Variants in DNM1L observed in about 807,000 individuals in gnomAD.
The protein encoded by DNM1L is dynamin-1-like protein.
A neutral mutation model predicts 92.8 loss-of-function variants in DNM1L; 33 were observed. The observed-to-expected ratio is 0.36, with a 90% CI of 0.27 to 0.48. The LOEUF is 0.48. Ranked by LOEUF, DNM1L falls within the 20% of genes least tolerant of loss-of-function variation. The probability of loss-of-function intolerance (pLI) is 0.99; values close to 1 mark genes in which losing one functional copy is unlikely to be tolerated. For missense variants in DNM1L, 485 were observed against 888.8 expected (o/e 0.55, Z 5.78); for synonymous variants, 284 against 305.0 (o/e 0.93, Z 0.72).
Position 32,706,173 on chromosome 12 carries a change from G to A in DNM1L, c.251-1194G>A, listed in dbSNP as rs140033044. On this transcript the variant is annotated intron_variant, in intron 2 of 19. Transcript: ENST00000549701. Reference sequence around the variant, plus strand: ...GTAGTACTTGCATTTTGTGAGTTCTGTTCACCTAGATTACTCCAGTCCTCC... The same window carrying A: ...GTAGTACTTGCATTTTGTGAGTTCTATTCACCTAGATTACTCCAGTCCTCC... 7.0e-3 allele frequency: 1,713 copies of A among 246,326 alleles called. 38 individuals carry two copies. The highest frequency in any genetic ancestry group is 0.035 in the African/African-American group (1,544 of 44,588). 15.3% of individuals were successfully genotyped at this position (246,326 alleles called of 1,614,324 possible). A position where few individuals can be genotyped will look rare whatever the true frequency, so the allele number is the denominator to read the frequency against.
At position 32,701,557 on chromosome 12, in the gene DNM1L, A is replaced by G. The variant is rs763762352; in HGVS notation, c.245A>G (p.Glu82Gly). Residue 82 changes from glutamate to glycine, a missense_variant, in exon 2 of 20, where the codon GAA becomes GGA. Glu to Gly is a moderately conservative substitution (Grantham distance 98). Transcript: ENST00000549701. ...QEDKRKTTGE[E>G]NGVEAEEWGK... Reference sequence around the variant, plus strand: ...GATAAACGGAAAACAACAGGAGAAGAAAATGGTAAATTTCAGATTTGAGAT... The same window carrying G: ...GATAAACGGAAAACAACAGGAGAAGGAAATGGTAAATTTCAGATTTGAGAT... 3.7e-6 allele frequency: 6 copies of G among 1,613,318 alleles called. No individual in the cohort carries two copies. The Admixed American group carries it at 5.0e-5, about 13-fold the overall frequency.
chr12:32,735,255 G>A (rs1354019671), intron 13 of DNM1L, among the ~76,000 whole-genome samples: 1 of 152,080 alleles, frequency 6.6e-6, no homozygotes, highest in Non-Finnish European at 1.5e-5. Context: ...CATACCCTGA[G>A]GGCAGATCAT....
At chr12:32,691,833 GT>G (rs1565491648) in intron 1 of DNM1L, among the ~76,000 whole-genome samples, 1 of 151,942 alleles carries the variant, frequency 6.6e-6, no homozygotes, top group Non-Finnish European at 1.5e-5. Flanking sequence ...AAAGACAAAA[GT>G]TCCCCAGAGC....
intron 9 of DNM1L, chr12:32,728,802 T>C (rs1231702320): frequency 2.0e-5 from 3 of 152,076 alleles, no homozygotes; most frequent in Admixed American, 2.0e-4. Context: ...AGATACGAAG[T>C]TTTTTCTGTC....
At chr12:32,732,896 A>C (rs922148864) in intron 12 of DNM1L, among the ~76,000 whole-genome samples, 7 of 152,152 alleles carry the variant, frequency 4.6e-5, no homozygotes, top group African/African-American at 1.7e-4. Context: ...CGGAAGTTTG[A>C]GACCAGCCTG....
intron 3 of DNM1L, among the ~76,000 whole-genome samples, chr12:32,707,912 C>T (rs901628332): frequency 1.3e-5 from 2 of 151,418 alleles, no homozygotes; most frequent in African/African-American, 2.4e-5. Flanking sequence ...GATTGTGCCA[C>T]TGTACTCCAG....
Position 32,744,713 on chromosome 12 carries a change from CAAA to C in DNM1L, c.*1313_*1315del, listed in dbSNP as rs370524523. 5 of 305,718 alleles carry C rather than the reference CAAA, an allele frequency of 1.6e-5. No homozygotes were observed. The highest frequency in any genetic ancestry group is 3.1e-5 in the Non-Finnish European group (5 of 160,308). The allele number at this position is 305,718 out of a possible 1,614,324, so 18.9% of individuals were successfully genotyped here. On this transcript the variant is annotated 3_prime_UTR_variant, in exon 20 of 20. Coordinates refer to ENST00000549701, the MANE Select transcript of DNM1L (RefSeq NM_012062.5). ...TGGCAACAAGAGCGAAACTCCGTCT[CAAA>C]AAAAAAAAATAAAACAACACCCAGA...
intron 1 of DNM1L, chr12:32,692,498 A>G (rs1457561160): frequency 2.0e-5 from 3 of 152,786 alleles, no homozygotes; most frequent in Non-Finnish European, 2.9e-5. Flanking sequence ...AGCAGTTCAT[A>G]TCATTTTATT....
intron 5 of DNM1L, among the ~76,000 whole-genome samples, chr12:32,712,649 CAAAAAAAAAA>C (rs59906286): frequency 5.0e-4 from 15 of 29,792 alleles, no homozygotes; most frequent in African/African-American, 1.2e-3. Flanking sequence ...GACCCTGTCT[CAAAAAAAAAA>C]AAAAAAAAAA....
At chr12:32,687,233 T>C (rs1324345060) in intron 1 of DNM1L, among the ~76,000 whole-genome samples, 1 of 152,180 alleles carries the variant, frequency 6.6e-6, no homozygotes, top group Admixed American at 6.6e-5. Context: ...TTTTTTATTT[T>C]TTAATGTTTT....
chr12:32,703,407 G>A (rs1371848968), intron 2 of DNM1L, among the ~76,000 whole-genome samples: 1 of 151,798 alleles, frequency 6.6e-6, no homozygotes, highest in Non-Finnish European at 1.5e-5. Context: ...TAGATTTCAC[G>A]TGTTTTATTC....
chr12:32,718,290 TGC>T (rs1953642432), intron 6 of DNM1L, among the ~76,000 whole-genome samples: 1 of 151,274 alleles, frequency 6.6e-6, no homozygotes. Context: ...TACAGGCGTC[TGC>T]CACTGTGCCT....
chr12:32,679,618 C>T (rs1951725711), intron 1 of DNM1L, 153 bp downstream of exon 1: 1 of 1,349,550 alleles, frequency 7.4e-7, no homozygotes, highest in Non-Finnish European at 9.5e-7. Flanking sequence ...CAGGGCTCTC[C>T]GGGCTCTGCC....
intron 9 of DNM1L, chr12:32,726,559 C>T: frequency 2.5e-6 from 3 of 1,208,752 alleles, no homozygotes; most frequent in Non-Finnish European, 3.7e-6. Flanking sequence ...ATTGTATGCT[C>T]ACGTAAAAAG....
rs777165189 is a variant in DNM1L at position 32,710,965 on chromosome 12, T to G, written c.406T>G (p.Ser136Ala). The change falls in exon 5 of 20, where the codon TCA becomes GCA. Residue 136 changes from serine (S) to alanine (A), a missense_variant. Coordinates refer to ENST00000549701, the MANE Select transcript of DNM1L (RefSeq NM_012062.5). ...SPEPIHLKIF[S>A]PNVVNLTLVD... ...TGAACCAATTCATCTTAAGATTTTT[T>G]CACCCAACGTTGTCAATTTGACACT... 3.1e-6 allele frequency: 5 copies of G among 1,613,934 alleles called. No individual in the cohort carries two copies. The African/African-American group carries it at 6.7e-5, about 22-fold the overall frequency.
chr12:32,737,780 G>C, intron 14 of DNM1L, 85 bp from the exon 15 acceptor site: 1 of 1,022,214 alleles, frequency 9.8e-7, no homozygotes, highest in South Asian at 1.3e-5. Context: ...TTTCATTACA[G>C]AAGGGAAAAA....
chr12:32,734,727 T>C (rs1188069579), intron 13 of DNM1L, among the ~76,000 whole-genome samples: 1 of 152,118 alleles, frequency 6.6e-6, no homozygotes, highest in Non-Finnish European at 1.5e-5. Context: ...AGAATCAACT[T>C]GAACCCAGGA....
chr12:32,730,736 G>T (rs1237023685), intron 9 of DNM1L, among the ~76,000 whole-genome samples: 1 of 152,098 alleles, frequency 6.6e-6, no homozygotes, highest in Non-Finnish European at 1.5e-5. Flanking sequence ...GCAGAGAAAA[G>T]GTGCTTAGCA....
At chr12:32,712,343 C>G (rs1050196773) in intron 5 of DNM1L, among the ~76,000 whole-genome samples, 4 of 152,128 alleles carry the variant, frequency 2.6e-5, no homozygotes, top group Non-Finnish European at 2.9e-5. Flanking sequence ...TGTTCACTCT[C>G]TTTGGAATTT....
Sources: allele counts gnomAD v4.1 joint callset (sites outside exome capture counted in the v4.1 genomes callset), GRCh38; gene constraint gnomAD v4.1.1; transcripts MANE v1.5; gene names NCBI Gene and HGNC (gene_info 2026-07-23, HGNC 2026-07-21).